ATG10: variants seen among roughly 807,000 people sequenced by gnomAD.
ATG10 encodes autophagy related 10.
A neutral mutation model predicts 32.1 loss-of-function variants in ATG10; 30 were observed. The ratio of observed to expected loss-of-function variants is 0.94; its 90% CI spans 0.70 to 1.27. The LOEUF is 1.27. Ranked by LOEUF, ATG10 falls within the 50% of genes most tolerant of loss-of-function variation. The pLI is 0.00. For missense variants in ATG10, 233 were observed against 262.3 expected (o/e 0.89, Z 0.77); for synonymous variants, 87 against 91.5 (o/e 0.95, Z 0.28).
chr5:82,227,254 C>T (rs1746168769), intron 5 of ATG10, among the ~76,000 whole-genome samples: 1 of 152,074 alleles, frequency 6.6e-6, no homozygotes, highest in Admixed American at 6.6e-5. Context: ...CATCCGACAT[C>T]CATCCCTTAC....
At chr5:82,111,817 A>C (rs1332025504) in intron 3 of ATG10, among the ~76,000 whole-genome samples, 1 of 151,990 alleles carries the variant, frequency 6.6e-6, no homozygotes, top group African/African-American at 2.4e-5. Flanking sequence ...AAGACATTAC[A>C]AAAAAACTAA....
intron 3 of ATG10, among the ~76,000 whole-genome samples, chr5:82,114,699 T>C (rs1442679952): frequency 6.6e-6 from 1 of 152,076 alleles, no homozygotes; most frequent in Non-Finnish European, 1.5e-5. Flanking sequence ...TAGATGACTC[T>C]TGAGAGTCCC....
At position 82,173,882 on chromosome 5, in the gene ATG10, G is replaced by A. The variant is rs187329429; in HGVS notation, c.356-4608G>A. Among the ~76,000 whole-genome samples the A allele has an allele frequency of 2.0e-4, 31 of 152,170 alleles. 1 individual carries two copies. The highest frequency in any genetic ancestry group is 7.9e-4 in the Admixed American group (12 of 15,272). On this transcript the variant is annotated intron_variant, in intron 4 of 7. Transcript: ENST00000282185. ...GCAGGCACATAATAATGTGTTTTAT[G>A]TACTTAACCAAGTATTTATGTCCGT...
At chr5:82,130,430 A>C (rs1248987318) in intron 3 of ATG10, among the ~76,000 whole-genome samples, 1 of 151,964 alleles carries the variant, frequency 6.6e-6, no homozygotes, top group Non-Finnish European at 1.5e-5. Context: ...TGTCTGCCCA[A>C]ATGACTGCCC....
chr5:82,202,220 T>C (rs1452776124), intron 5 of ATG10, among the ~76,000 whole-genome samples: 2 of 152,244 alleles, frequency 1.3e-5, no homozygotes, highest in African/African-American at 4.8e-5. Context: ...TCTAGATAGT[T>C]GTTCAAACAT....
chr5:82,164,845 A>G (rs1581760262), intron 4 of ATG10, among the ~76,000 whole-genome samples: 2 of 152,366 alleles, frequency 1.3e-5, no homozygotes, highest in South Asian at 2.1e-4. Flanking sequence ...TAAAGCTACA[A>G]TGTTTATTTA....
intron 2 of ATG10, among the ~76,000 whole-genome samples, chr5:82,030,745 A>G (rs73768612): frequency 6.6e-6 from 1 of 152,342 alleles, no homozygotes; most frequent in African/African-American, 2.4e-5. Context: ...TACCAACTAA[A>G]TTCTATATAA....
At chr5:82,099,253 T>G (rs1347152946) in intron 3 of ATG10, among the ~76,000 whole-genome samples, 1 of 152,180 alleles carries the variant, frequency 6.6e-6, no homozygotes, top group East Asian at 1.9e-4. Flanking sequence ...GATAAATTTT[T>G]AAAAAGTACA....
intron 5 of ATG10, among the ~76,000 whole-genome samples, chr5:82,204,119 A>C (rs1409259615): frequency 1.3e-5 from 2 of 152,228 alleles, no homozygotes; most frequent in African/African-American, 4.8e-5. Flanking sequence ...TAAAAGTGAC[A>C]ATTTTAAACT....
At chr5:82,123,504 C>A (rs190885117) in intron 3 of ATG10, among the ~76,000 whole-genome samples, 52 of 150,396 alleles carry the variant, frequency 3.5e-4, no homozygotes, top group African/African-American at 1.1e-3. Flanking sequence ...TCACATGTAT[C>A]CCTAAACCTA....
intron 2 of ATG10, among the ~76,000 whole-genome samples, chr5:82,047,760 G>C (rs1379301030): frequency 6.6e-6 from 1 of 152,164 alleles, no homozygotes; most frequent in Non-Finnish European, 1.5e-5. Flanking sequence ...AAAGAAGGGG[G>C]ACTTGGTAGG....
At chr5:82,204,092 G>A (rs1434791651) in intron 5 of ATG10, among the ~76,000 whole-genome samples, 10 of 152,128 alleles carry the variant, frequency 6.6e-5, no homozygotes, top group Admixed American at 6.5e-4. Context: ...AAGAGGATAG[G>A]GAGAACACCA....
chr5:82,111,260 A>T (rs1370906899), intron 3 of ATG10: 1 of 151,990 alleles, frequency 6.6e-6, no homozygotes, highest in Non-Finnish European at 1.5e-5. Flanking sequence ...TTTTACCTTG[A>T]CTTTTCTAAC....
In ATG10 at chr5:82,026,282, G is replaced by A. The variant is rs1762592883; in HGVS notation, c.109-32213G>A. 2.0e-5 allele frequency among the ~76,000 whole-genome samples: 3 copies of A among 152,222 alleles called. No homozygotes were observed. In the South Asian group the frequency reaches 6.2e-4, roughly 32 times the overall value. On this transcript the variant is annotated intron_variant, in intron 2 of 7. Coordinates refer to ENST00000282185, the MANE Select transcript of ATG10 (RefSeq NM_031482.5). ...TGTTTCACTTAGCATAATGCCTTCAGGGTTCATTCATGTTGCAGCGTGTAT... is the reference window on the plus strand; with the variant it reads ...TGTTTCACTTAGCATAATGCCTTCAAGGTTCATTCATGTTGCAGCGTGTAT...
intron 4 of ATG10, among the ~76,000 whole-genome samples, chr5:82,170,647 A>AGTAT (rs1362011146): frequency 1.3e-5 from 2 of 152,060 alleles, no homozygotes; most frequent in Admixed American, 1.3e-4. Context: ...TTTGGATAGG[A>AGTAT]TTGAAAATAG....
intron 3 of ATG10, among the ~76,000 whole-genome samples, chr5:82,161,696 A>ACACACACACAC (rs1743351306): frequency 6.9e-5 from 9 of 129,664 alleles, no homozygotes; most frequent in African/African-American, 2.8e-4. Flanking sequence ...TTAGAGAATA[A>ACACACACACAC]ACACACACAC....
intron 4 of ATG10, among the ~76,000 whole-genome samples, chr5:82,169,688 A>G (rs1743729545): frequency 6.6e-6 from 1 of 152,214 alleles, no homozygotes; most frequent in Non-Finnish European, 1.5e-5. Flanking sequence ...TAGACAGTAA[A>G]TCTAGCCAAG....
At chr5:82,056,502 C>T (rs765692293) in intron 2 of ATG10, among the ~76,000 whole-genome samples, 3 of 148,096 alleles carry the variant, frequency 2.0e-5, no homozygotes, top group Non-Finnish European at 3.0e-5. Context: ...CCTTTCCCAA[C>T]CCCCCAAAAC....
intron 2 of ATG10, among the ~76,000 whole-genome samples, chr5:82,004,605 G>T (rs569669424): frequency 2.3e-4 from 35 of 152,150 alleles, no homozygotes; most frequent in Non-Finnish European, 4.9e-4. Flanking sequence ...TGTTTTTGTT[G>T]TTTGTTTGTT....
Sources: allele counts gnomAD v4.1 joint callset (sites outside exome capture counted in the v4.1 genomes callset), GRCh38; gene constraint gnomAD v4.1.1; transcripts MANE v1.5; gene names NCBI Gene and HGNC (gene_info 2026-07-23, HGNC 2026-07-21).